The following CIMIP2B variants were observed in gnomAD, a reference collection of about 807,000 sequenced individuals.
CIMIP2B encodes the protein ciliary microtubule inner protein 2B, also known as family with sequence similarity 166 member B.
chr9:35,561,919 A>ACC, the CIMIP2B span: 8 of 109,270 alleles, frequency 7.3e-5, no homozygotes, highest in East Asian at 3.0e-4. Flanking sequence ...GTGTTCCCCC[A>ACC]CCCTCCCACC....
chr9:35,562,429 T>C, the CIMIP2B span: 3 of 1,557,894 alleles, frequency 1.9e-6, no homozygotes, highest in Non-Finnish European at 2.6e-6. Context: ...TCTGAGGGTA[T>C]GTTCTGGGAA....
At chr9:35,562,288 TTA>T in the CIMIP2B span, 3 of 1,160,008 alleles carry the variant, frequency 2.6e-6, no homozygotes, top group African/African-American at 4.7e-5. Flanking sequence ...CCCATATCTA[TTA>T]GTTTCAACCC....
the CIMIP2B span, chr9:35,562,876 T>A: frequency 6.2e-7 from 1 of 1,613,996 alleles, no homozygotes; most frequent in South Asian, 1.1e-5. Context: ...TGGTCTCACT[T>A]GTTCCACCAC....
the CIMIP2B span, chr9:35,561,857 T>TATTA: frequency 3.1e-6 from 2 of 650,746 alleles, no homozygotes; most frequent in South Asian, 1.8e-5. Flanking sequence ...TTTATTTATT[T>TATTA]ATTATACCTA....
the CIMIP2B span, chr9:35,562,826 G>A: frequency 6.2e-7 from 1 of 1,611,888 alleles, no homozygotes; most frequent in Non-Finnish European, 8.5e-7. Flanking sequence ...CACACAGTAA[G>A]ACCCCCACTC....
chr9:35,563,165 C>A, the CIMIP2B span: 1 of 1,613,568 alleles, frequency 6.2e-7, no homozygotes, highest in Non-Finnish European at 8.5e-7. Context: ...TGCGTACAAA[C>A]CTGTGTACCC....
the CIMIP2B span, chr9:35,563,354 A>G: frequency 1.2e-6 from 2 of 1,613,782 alleles, no homozygotes; most frequent in South Asian, 2.2e-5. Context: ...GGTCTGGCCC[A>G]CGCTGAACCG....
chr9:35,563,071 G>C, the CIMIP2B span: 6 of 1,613,836 alleles, frequency 3.7e-6, no homozygotes, highest in Admixed American at 1.7e-5. Flanking sequence ...CTGTGCCCGG[G>C]GTACAAAACC....
chr9:35,563,021 C>A, the CIMIP2B span: 1 of 1,614,036 alleles, frequency 6.2e-7, no homozygotes, highest in South Asian at 1.1e-5. Context: ...TCACTCAGAG[C>A]CTCGGCCCAG....
chr9:35,562,739 A>AGG, the CIMIP2B span: 1 of 1,612,912 alleles, frequency 6.2e-7, no homozygotes, highest in South Asian at 1.1e-5. Context: ...CAATCTCCCA[A>AGG]GGAGGTGGAG....
chr9:35,563,350 G>C, the CIMIP2B span: 2 of 1,613,822 alleles, frequency 1.2e-6, no homozygotes, highest in African/African-American at 1.3e-5. Flanking sequence ...CATAGGTCTG[G>C]CCCACGCTGA....
the CIMIP2B span, chr9:35,562,756 A>G: frequency 6.2e-7 from 1 of 1,611,480 alleles, no homozygotes; most frequent in Admixed American, 1.7e-5. Flanking sequence ...GGAGCTGACA[A>G]TCAAGTGCAC....
chr9:35,562,344 T>C, the CIMIP2B span: 1 of 1,392,122 alleles, frequency 7.2e-7, no homozygotes, highest in Non-Finnish European at 9.6e-7. Flanking sequence ...AAACAAACAT[T>C]CCAGTCCCCA....
At chr9:35,563,015 T>G in the CIMIP2B span, 1 of 1,613,962 alleles carries the variant, frequency 6.2e-7, no homozygotes, top group South Asian at 1.1e-5. Context: ...GTAAAGTCAC[T>G]CAGAGCCTCG....
chr9:35,563,268 G>T, the CIMIP2B span: 1 of 1,613,992 alleles, frequency 6.2e-7, no homozygotes, highest in Non-Finnish European at 8.5e-7. Flanking sequence ...CGAATGGGAG[G>T]CAGAAGTGTG....
chr9:35,563,791 G>A, the CIMIP2B span: 2 of 1,613,926 alleles, frequency 1.2e-6, no homozygotes, highest in Non-Finnish European at 1.7e-6. Context: ...AGGGTTCTGA[G>A]GGTTGAGCCC....
the CIMIP2B span, chr9:35,562,566 C>T: frequency 6.3e-7 from 1 of 1,598,050 alleles, no homozygotes; most frequent in African/African-American, 1.3e-5. Context: ...GGCACATAGC[C>T]AGTGAAGCCT....
chr9:35,563,601 C>G, the CIMIP2B span, among the ~76,000 whole-genome samples: 8 of 152,312 alleles, frequency 5.3e-5, no homozygotes, highest in African/African-American at 1.7e-4. Flanking sequence ...GGGGCAGACC[C>G]GGTGTCTCAC....
At chr9:35,562,318 C>T in the CIMIP2B span, 1 of 1,335,676 alleles carries the variant, frequency 7.5e-7, no homozygotes, top group Non-Finnish European at 9.9e-7. Flanking sequence ...CCACCCAACC[C>T]ACCCCATACC....
Sources: allele counts gnomAD v4.1 joint callset (sites outside exome capture counted in the v4.1 genomes callset), GRCh38; gene constraint gnomAD v4.1.1; transcripts MANE v1.5; gene names NCBI Gene and HGNC (gene_info 2026-07-23, HGNC 2026-07-21).